MACROD2: variants seen among roughly 807,000 people sequenced by gnomAD.
The protein encoded by MACROD2 is ADP-ribose glycohydrolase MACROD2.
MACROD2 carries 36 observed loss-of-function variants against 70.4 expected under a neutral mutation model. That is an observed-to-expected ratio of 0.51 (90% CI 0.39 to 0.68). MACROD2 has a LOEUF of 0.68. Ranked by LOEUF, MACROD2 falls within the 30% of genes least tolerant of loss-of-function variation. The pLI, the probability that MACROD2 is intolerant of heterozygous loss-of-function variation, is 0.00. For synonymous variants in MACROD2, 172 were observed against 178.8 expected (o/e 0.96, Z 0.30); for missense variants, 496 against 538.4 (o/e 0.92, Z 0.78).
At chr20:14,125,619 A>G (rs1181424677) in intron 3 of MACROD2, among the ~76,000 whole-genome samples, 1 of 152,190 alleles carries the variant, frequency 6.6e-6, no homozygotes, top group Non-Finnish European at 1.5e-5. Context: ...CATACTCTAT[A>G]CATGCATGTA....
chr20:15,051,341 TGTGTGTGTGTGTGTGTGTGTGTGTGTG>T (rs2075438979), intron 5 of MACROD2, among the ~76,000 whole-genome samples: 1 of 320 alleles, frequency 3.1e-3, no homozygotes. Context: ...GTAGGAGATG[TGTGTGTGTGTGTGTGTGTGTGTGTGTG>T]TGTGTGTGTG....
chr20:14,583,130 T>G (rs374425755), intron 4 of MACROD2, among the ~76,000 whole-genome samples: 2 of 152,166 alleles, frequency 1.3e-5, no homozygotes, highest in East Asian at 1.9e-4. Context: ...TCTCTCTAAC[T>G]TGAGAAACAG....
intron 9 of MACROD2, among the ~76,000 whole-genome samples, chr20:15,873,904 T>G (rs561382337): frequency 3.9e-5 from 6 of 152,210 alleles, no homozygotes; most frequent in Admixed American, 3.3e-4. Context: ...TTCAGACATT[T>G]TATTATTATT....
intron 5 of MACROD2, among the ~76,000 whole-genome samples, chr20:14,778,350 T>A (rs1253150862): frequency 6.6e-6 from 1 of 152,086 alleles, no homozygotes; most frequent in Admixed American, 6.5e-5. Flanking sequence ...TTCTGCTATC[T>A]CAGGAAGGCA....
intron 5 of MACROD2, among the ~76,000 whole-genome samples, chr20:15,228,710 G>A (rs547960292): frequency 2.6e-5 from 4 of 151,752 alleles, no homozygotes; most frequent in African/African-American, 7.3e-5. Context: ...GGATGGTCTC[G>A]ATTTCCTAAC....
chr20:15,772,010 G>A (rs1477890092), intron 8 of MACROD2, among the ~76,000 whole-genome samples: 15 of 147,624 alleles, frequency 1.0e-4, no homozygotes, highest in Admixed American at 2.1e-4. Flanking sequence ...GCATGAACCC[G>A]GGAGGCAGAG....
At position 14,886,947 on chromosome 20, in the gene MACROD2, G is replaced by A. The variant is rs149916850; in HGVS notation, c.418+201988G>A. The stretch of plus-strand genomic sequence containing the variant: ...TTGGCGTCTCTAGTGGGGAATTTTA[G>A]GGCTGTCTGTGGGACCACAAGATGA... On this transcript the variant is annotated intron_variant, in intron 5 of 17. Transcript: ENST00000684519. Among the ~76,000 whole-genome samples the A allele has an allele frequency of 3.9e-4, 60 of 152,194 alleles. 1 individual carries two copies. Among genetic ancestry groups the A allele is most frequent in the African/African-American group, 1.1e-3 (44 of 41,530 alleles).
intron 7 of MACROD2, among the ~76,000 whole-genome samples, chr20:15,449,989 C>T (rs535774123): frequency 9.5e-4 from 145 of 151,950 alleles, no homozygotes; most frequent in African/African-American, 3.2e-3. Context: ...AGTGAGACTC[C>T]GTCTCAAAAA....
At chr20:14,857,040 C>A (rs1020832618) in intron 5 of MACROD2, among the ~76,000 whole-genome samples, 2 of 152,080 alleles carry the variant, frequency 1.3e-5, no homozygotes, top group Admixed American at 6.6e-5. Context: ...ATAAACAAAG[C>A]ATAGCTAGGT....
At chr20:15,906,821 A>G (rs1198260638) in intron 10 of MACROD2, among the ~76,000 whole-genome samples, 1 of 152,200 alleles carries the variant, frequency 6.6e-6, no homozygotes, top group African/African-American at 2.4e-5. Context: ...CTATCACAGA[A>G]GTGATACTGT....
At chr20:14,941,903 C>T (rs2122709312) in intron 5 of MACROD2, among the ~76,000 whole-genome samples, 1 of 151,876 alleles carries the variant, frequency 6.6e-6, no homozygotes, top group Admixed American at 6.6e-5. Context: ...TCCATCTCAG[C>T]CTCCTTAGTA....
chr20:15,687,583 A>C (rs1367946907), intron 8 of MACROD2, among the ~76,000 whole-genome samples: 1 of 152,116 alleles, frequency 6.6e-6, no homozygotes, highest in African/African-American at 2.4e-5. Context: ...CAAACAGAAC[A>C]GATGAAGCCT....
intron 3 of MACROD2, among the ~76,000 whole-genome samples, chr20:14,386,442 T>G (rs1172778903): frequency 6.6e-6 from 1 of 152,220 alleles, no homozygotes; most frequent in Non-Finnish European, 1.5e-5. Context: ...TAATCCCCAG[T>G]CTTGGAGATG....
At chr20:14,002,241 T>A in intron 1 of MACROD2, 47 bp from the exon 2 acceptor site, 1 of 1,244,804 alleles carries the variant, frequency 8.0e-7, no homozygotes, top group Non-Finnish European at 1.1e-6. Flanking sequence ...ATAATTCCCA[T>A]GTTTAAACGT....
chr20:14,478,848 G>T (rs2084628655), intron 3 of MACROD2, among the ~76,000 whole-genome samples: 1 of 152,022 alleles, frequency 6.6e-6, no homozygotes, highest in Non-Finnish European at 1.5e-5. Context: ...GTCTTATTTT[G>T]GTGGGCCTTG....
At chr20:15,393,780 C>T (rs949866364) in intron 6 of MACROD2, among the ~76,000 whole-genome samples, 3 of 152,126 alleles carry the variant, frequency 2.0e-5, no homozygotes, top group African/African-American at 7.2e-5. Context: ...TCCTTTGGAA[C>T]CATCCACCTT....
At position 15,673,348 on chromosome 20, in the gene MACROD2, A is replaced by G. The variant is rs1017952155; in HGVS notation, c.645+173501A>G. Among the ~76,000 whole-genome samples, 12 of 152,278 alleles carry G rather than the reference A, an allele frequency of 7.9e-5. No homozygotes were observed. The East Asian group carries it at 1.4e-3, about 17-fold the overall frequency. On this transcript the variant is annotated intron_variant, in intron 8 of 17. Transcript: ENST00000684519. ...TTACGTCATTTTTAAATACTTGCCA[A>G]TTATTTTTATTAGTTACTCATCAGG...
Position 14,048,966 on chromosome 20 carries a change from AAGT to A in MACROD2, c.164-36653_164-36651del, listed in dbSNP as rs1228142161. On this transcript the variant is annotated intron_variant, in intron 2 of 17. Transcript: ENST00000684519. ...AAGTGGGAGTGGAGCAAGGAGGGGA[AAGT>A]AAAAGAATACTGTCTATTCATGGTA... Among the ~76,000 whole-genome samples, 3 of 152,220 alleles carry A rather than the reference AAGT, an allele frequency of 2.0e-5. No homozygotes were observed. In the East Asian group the frequency reaches 5.8e-4, roughly 29 times the overall value.
At chr20:15,918,602 G>T (rs544475982) in intron 10 of MACROD2, among the ~76,000 whole-genome samples, 1 of 152,184 alleles carries the variant, frequency 6.6e-6, no homozygotes, top group South Asian at 2.1e-4. Context: ...GGGAAATTGG[G>T]TTTATCAAGT....
Sources: gnomAD v4.1 joint callset for allele counts (sites outside exome capture counted in the v4.1 genomes callset) on GRCh38, gnomAD v4.1.1 for gene constraint, MANE v1.5 for transcripts, NCBI Gene and HGNC (gene_info 2026-07-23, HGNC 2026-07-21) for gene names.